ADCY2: variants seen among roughly 807,000 people sequenced by gnomAD.
ADCY2 encodes adenylate cyclase type 2.
A neutral mutation model predicts 125.2 loss-of-function variants in ADCY2; 31 were observed. The ratio of observed to expected loss-of-function variants is 0.25; its 90% confidence interval spans 0.19 to 0.33. The LOEUF (loss-of-function observed/expected upper bound fraction) is 0.33. ADCY2 is among the 10% of genes least tolerant of loss of function. The pLI is 1.00. For missense variants in ADCY2, 904 were observed against 1,418.2 expected (o/e 0.64, Z 5.82); for synonymous variants, 512 against 548.4 (o/e 0.93, Z 0.93).
intron 3 of ADCY2, among the ~76,000 whole-genome samples, chr5:7,530,854 A>C (rs1734616197): frequency 6.6e-6 from 1 of 152,070 alleles, no homozygotes; most frequent in South Asian, 2.1e-4. Flanking sequence ...CCCTCTGCCC[A>C]GAGTGCCTTT....
At chr5:7,459,077 C>T (rs1393904079) in intron 2 of ADCY2, among the ~76,000 whole-genome samples, 1 of 152,208 alleles carries the variant, frequency 6.6e-6, no homozygotes, top group Admixed American at 6.5e-5. Flanking sequence ...AGCTGCCCCT[C>T]ACTCTAGGCT....
chr5:7,680,119 T>C (rs950393208), intron 4 of ADCY2, among the ~76,000 whole-genome samples: 2 of 152,154 alleles, frequency 1.3e-5, no homozygotes, highest in Non-Finnish European at 2.9e-5. Flanking sequence ...AGAAGTCTTA[T>C]ATTTAGAGGA....
intron 4 of ADCY2, among the ~76,000 whole-genome samples, chr5:7,645,824 T>C (rs1738876284): frequency 6.6e-6 from 1 of 152,230 alleles, no homozygotes; most frequent in Non-Finnish European, 1.5e-5. Flanking sequence ...TAACAGCTTC[T>C]AGAGAGAAAA....
Position 7,712,931 on chromosome 5 carries a change from C to T in ADCY2, c.1622+32C>T, listed in dbSNP as rs747488145. ...TATCTCTCTATCTGATTTTTTAAAGCTTATTGCTCTTTATTCATTTCTGAG... is the reference window on the plus strand; with the variant it reads ...TATCTCTCTATCTGATTTTTTAAAGTTTATTGCTCTTTATTCATTTCTGAG... On this transcript the variant is annotated intron_variant, in intron 11 of 24. Coordinates refer to ENST00000338316, the MANE Select transcript of ADCY2 (RefSeq NM_020546.3). The T allele has an allele frequency of 4.8e-6, 7 of 1,472,624 alleles. No homozygotes were observed. The Admixed American group carries it at 8.7e-5, about 18-fold the overall frequency. 91.2% of individuals were successfully genotyped at this position (1,472,624 alleles called of 1,614,324 possible). A position where few individuals can be genotyped will look rare whatever the true frequency, so the allele number is the denominator to read the frequency against.
chr5:7,628,261 A>G (rs756348050), intron 4 of ADCY2, among the ~76,000 whole-genome samples: 1 of 152,152 alleles, frequency 6.6e-6, no homozygotes, highest in Non-Finnish European at 1.5e-5. Context: ...CTTTTTTTTC[A>G]TCAGCTCTGT....
intron 3 of ADCY2, among the ~76,000 whole-genome samples, chr5:7,551,546 A>G (rs1208688897): frequency 6.6e-6 from 1 of 152,190 alleles, no homozygotes; most frequent in East Asian, 1.9e-4. Context: ...TTCCTTTAAG[A>G]ATACATTAAT....
chr5:7,655,048 G>A (rs752388010), intron 4 of ADCY2, among the ~76,000 whole-genome samples: 1 of 152,168 alleles, frequency 6.6e-6, no homozygotes, highest in Non-Finnish European at 1.5e-5. Flanking sequence ...ATCTAGAAAT[G>A]TTGTTTCTGA....
At chr5:7,473,950 C>T (rs1249480668) in intron 2 of ADCY2, among the ~76,000 whole-genome samples, 2 of 152,204 alleles carry the variant, frequency 1.3e-5, no homozygotes. Flanking sequence ...TACCTGCCTG[C>T]ATGGTGGCCC....
At chr5:7,559,838 C>G (rs765922786) in intron 3 of ADCY2, among the ~76,000 whole-genome samples, 1 of 152,080 alleles carries the variant, frequency 6.6e-6, no homozygotes, top group Non-Finnish European at 1.5e-5. Flanking sequence ...AATGAAAAAG[C>G]CTACTTCAGA....
At chr5:7,505,086 A>G (rs4702471) in intron 2 of ADCY2, among the ~76,000 whole-genome samples, 53,385 of 150,418 alleles carry the variant, frequency 0.35, 9,507 homozygotes, top group African/African-American at 0.41. Context: ...GTTCCATCAT[A>G]TTACCCAGGC....
intron 3 of ADCY2, among the ~76,000 whole-genome samples, chr5:7,578,046 G>T (rs1198286323): frequency 6.6e-6 from 1 of 152,138 alleles, no homozygotes; most frequent in Non-Finnish European, 1.5e-5. Flanking sequence ...TCTCAGAAAA[G>T]ACATCACATT....
At chr5:7,431,086 C>T (rs1041190040) in intron 2 of ADCY2, among the ~76,000 whole-genome samples, 6 of 152,038 alleles carry the variant, frequency 3.9e-5, no homozygotes, top group Non-Finnish European at 5.9e-5. Context: ...ATGCAAAATA[C>T]CCCTTAAAAT....
intron 4 of ADCY2, chr5:7,657,905 G>A (rs1739392973): frequency 6.6e-6 from 1 of 152,244 alleles, no homozygotes; most frequent in Non-Finnish European, 1.5e-5. Flanking sequence ...AGACAGCTGT[G>A]ACTGAGGAGG....
intron 4 of ADCY2, among the ~76,000 whole-genome samples, chr5:7,647,404 G>C (rs1738937343): frequency 6.6e-6 from 1 of 152,132 alleles, no homozygotes. Context: ...ACAAATTGCA[G>C]GTATCAGAGA....
intron 22 of ADCY2, among the ~76,000 whole-genome samples, chr5:7,809,151 G>T (rs77172228): frequency 5.3e-4 from 80 of 152,278 alleles, no homozygotes; most frequent in African/African-American, 1.9e-3. Context: ...GGTTTGTACC[G>T]TGTTTTGCAT....
intron 11 of ADCY2, among the ~76,000 whole-genome samples, chr5:7,715,259 G>C (rs2126372610): frequency 6.6e-6 from 1 of 152,348 alleles, no homozygotes; most frequent in South Asian, 2.1e-4. Flanking sequence ...CACATTTACA[G>C]CATTGAGCTC....
At chr5:7,444,366 C>T (rs992075853) in intron 2 of ADCY2, among the ~76,000 whole-genome samples, 7 of 152,020 alleles carry the variant, frequency 4.6e-5, no homozygotes, top group African/African-American at 4.8e-5. Flanking sequence ...CCTCCCGCCT[C>T]GGCCTCCCAA....
chr5:7,658,320 T>A (rs1579285827), intron 4 of ADCY2: 1 of 152,306 alleles, frequency 6.6e-6, no homozygotes, highest in East Asian at 1.9e-4. Context: ...TGTCCACTCT[T>A]GGGTTGTGCA....
intron 17 of ADCY2, among the ~76,000 whole-genome samples, chr5:7,772,642 T>A (rs1170893487): frequency 6.6e-6 from 1 of 152,220 alleles, no homozygotes; most frequent in Non-Finnish European, 1.5e-5. Context: ...TAGTGATGTG[T>A]CTTCCATATA....
Sources: allele counts gnomAD v4.1 joint callset (sites outside exome capture counted in the v4.1 genomes callset), GRCh38; gene constraint gnomAD v4.1.1; transcripts MANE v1.5; gene names NCBI Gene and HGNC (gene_info 2026-07-23, HGNC 2026-07-21).